The following MS4A18 variants were observed in gnomAD, a reference collection of about 807,000 sequenced individuals.
The protein encoded by MS4A18 is membrane-spanning 4-domains subfamily A member 18.
MS4A18 carries 27 observed loss-of-function variants against 13.1 expected under a neutral mutation model. The observed-to-expected ratio is 2.06, with a 90% CI of 1.52 to 2.84. MS4A18 has a LOEUF of 2.84. Ranked by LOEUF, MS4A18 falls within the 30% of genes most tolerant of loss-of-function variation. MS4A18 has a pLI of 0.00. For synonymous variants in MS4A18, 126 were observed against 76.5 expected, an observed-to-expected ratio of 1.65 and a Z score of -3.38; for missense variants, 307 against 196.4, an observed-to-expected ratio of 1.56 and a Z score of -3.37.
At chr11:60,730,968 C>A (rs1853245456) in intron 1 of MS4A18, among the ~76,000 whole-genome samples, 1 of 152,116 alleles carries the variant, frequency 6.6e-6, no homozygotes, top group Non-Finnish European at 1.5e-5. Flanking sequence ...GTGGCGGGTG[C>A]CTGTAGTCCC....
chr11:60,731,376 C>T (rs1000917477), intron 1 of MS4A18, among the ~76,000 whole-genome samples: 1 of 152,242 alleles, frequency 6.6e-6, no homozygotes, highest in African/African-American at 2.4e-5. Context: ...AAATGAAAAG[C>T]CAAAAAGCCA....
chr11:60,742,169 G>A (rs370598262), intron 5 of MS4A18, among the ~76,000 whole-genome samples: 4 of 152,266 alleles, frequency 2.6e-5, no homozygotes, highest in East Asian at 3.9e-4. Context: ...TTCCTGAGAG[G>A]AGCTTTCTAA....
chr11:60,742,368 T>C (rs553293382), intron 5 of MS4A18, among the ~76,000 whole-genome samples: 6 of 152,242 alleles, frequency 3.9e-5, no homozygotes, highest in African/African-American at 7.2e-5. Context: ...TTGGTCCAAG[T>C]TGGTAATCCT....
chr11:60,726,532 C>T (rs570156806), upstream of MS4A18, among the ~76,000 whole-genome samples: 2 of 152,176 alleles, frequency 1.3e-5, no homozygotes, highest in East Asian at 3.9e-4. Flanking sequence ...CCTGGACTTT[C>T]TAGTAGCTCT....
intron 5 of MS4A18, among the ~76,000 whole-genome samples, chr11:60,742,582 T>C (rs1853427096): frequency 6.6e-6 from 1 of 152,230 alleles, no homozygotes; most frequent in African/African-American, 2.4e-5. Context: ...TGAAAGGGTC[T>C]AATAAGCACT....
At chr11:60,734,975 G>A (rs1853313614) in intron 2 of MS4A18, among the ~76,000 whole-genome samples, 1 of 151,726 alleles carries the variant, frequency 6.6e-6, no homozygotes, top group South Asian at 2.1e-4. Context: ...TAGAGACGGG[G>A]TTTTGCCATG....
intron 1 of MS4A18, among the ~76,000 whole-genome samples, chr11:60,731,748 T>C (rs1853256368): frequency 6.6e-6 from 1 of 152,252 alleles, no homozygotes; most frequent in South Asian, 2.1e-4. Context: ...AAAGATTCAT[T>C]TGATGAATCC....
At chr11:60,742,164 G>C (rs1233567062) in intron 5 of MS4A18, among the ~76,000 whole-genome samples, 1 of 152,184 alleles carries the variant, frequency 6.6e-6, no homozygotes, top group Non-Finnish European at 1.5e-5. Flanking sequence ...ATTGCTTCCT[G>C]AGAGGAGCTT....
chr11:60,725,194 TTTC>T (rs543018155), upstream of MS4A18, among the ~76,000 whole-genome samples: 7 of 152,226 alleles, frequency 4.6e-5, no homozygotes, highest in South Asian at 4.2e-4. Context: ...CACTCTTTTT[TTTC>T]TTCTTCTTCT....
At chr11:60,725,030 C>G (rs1284452335), upstream of MS4A18, among the ~76,000 whole-genome samples, 1 of 152,174 alleles carries the variant, frequency 6.6e-6, no homozygotes, top group Non-Finnish European at 1.5e-5. Flanking sequence ...GAGCTCCTGT[C>G]TCTGCATGGA....
upstream of MS4A18, among the ~76,000 whole-genome samples, chr11:60,726,797 A>G (rs1322561855): frequency 7.1e-6 from 1 of 141,348 alleles, no homozygotes; most frequent in Admixed American, 7.2e-5. Context: ...TCTGGGATAC[A>G]TGTGCAGAAC....
chr11:60,741,948 C>T lies in MS4A18; in HGVS notation c.858+805C>T, dbSNP rs542461652. ...GTTCTGTCCCCATATATCCAACATACTTTAGTGAGAGAAAAATAGGATAAA... is the reference window on the plus strand; with the variant it reads ...GTTCTGTCCCCATATATCCAACATATTTTAGTGAGAGAAAAATAGGATAAA... On this transcript the variant is annotated intron_variant, in intron 5 of 5. Transcript: ENST00000529108. Among the ~76,000 whole-genome samples, 3 of 152,244 alleles carry T rather than the reference C, an allele frequency of 2.0e-5. No homozygotes were observed. In the South Asian group the frequency reaches 6.2e-4, roughly 32 times the overall value.
intron 4 of MS4A18, among the ~76,000 whole-genome samples, chr11:60,740,448 A>T (rs1188991374): frequency 6.6e-6 from 1 of 152,176 alleles, no homozygotes; most frequent in Non-Finnish European, 1.5e-5. Context: ...GGGCAGTATG[A>T]GGCAGGGATA....
At chr11:60,743,579 GA>G in intron 5 of MS4A18, 70 bp from the exon 7 acceptor site, 1 of 663,016 alleles carries the variant, frequency 1.5e-6, no homozygotes, top group African/African-American at 1.8e-5. Context: ...ACAGAAGGAA[GA>G]AAAAAATTAT....
At chr11:60,729,895 G>T (rs1853228290) in intron 1 of MS4A18, 109 bp downstream of exon 2, 2 of 607,278 alleles carry the variant, frequency 3.3e-6, no homozygotes, top group Non-Finnish European at 5.9e-6. Flanking sequence ...GAGGTGGAGT[G>T]GGTGTGGGGG....
intron 5 of MS4A18, among the ~76,000 whole-genome samples, chr11:60,743,200 C>T (rs1853433076): frequency 6.6e-6 from 1 of 152,254 alleles, no homozygotes; most frequent in Non-Finnish European, 1.5e-5. Context: ...TAATAGCTTA[C>T]TCAACAACCA....
chr11:60,734,899 G>C (rs568297708), intron 2 of MS4A18, among the ~76,000 whole-genome samples: 7 of 150,836 alleles, frequency 4.6e-5, no homozygotes, highest in Non-Finnish European at 8.8e-5. Flanking sequence ...CTCCTGTGTC[G>C]GCCTCCCGAG....
rs1431226426 is a variant in MS4A18 at position 60,733,667 on chromosome 11, G to A, written c.591+20G>A. On this transcript the variant is annotated intron_variant, in intron 2 of 5. Transcript: ENST00000529108. ...TTATCCGTGAGTACAAGGCCATATG[G>A]TCTCCTTCCTGGGTCACCAGACTGG... The A allele has an allele frequency of 1.4e-6, 1 of 703,518 alleles. No individual in the cohort carries two copies. Among genetic ancestry groups the A allele is most frequent in the African/African-American group, 1.7e-5 (1 of 57,374 alleles). The allele number at this position is 703,518 out of a possible 1,614,324, so 43.6% of individuals were successfully genotyped here.
chr11:60,742,535 C>T (rs914577378), intron 5 of MS4A18, among the ~76,000 whole-genome samples: 3 of 152,170 alleles, frequency 2.0e-5, no homozygotes, highest in African/African-American at 4.8e-5. Context: ...TCTGTGAGAC[C>T]AATACCTTTA....
Sources: gnomAD v4.1 joint callset for allele counts (sites outside exome capture counted in the v4.1 genomes callset) on GRCh38, gnomAD v4.1.1 for gene constraint, MANE v1.5 for transcripts, NCBI Gene and HGNC (gene_info 2026-07-23, HGNC 2026-07-21) for gene names.